The following DCLRE1C variants were observed in gnomAD, a reference collection of about 807,000 sequenced individuals.
The protein encoded by DCLRE1C is protein artemis.
Under a neutral mutation model 61.4 loss-of-function variants are expected in DCLRE1C, and 47 were observed. The ratio of observed to expected loss-of-function variants is 0.77; its 90% CI spans 0.61 to 0.98. DCLRE1C has a LOEUF of 0.98. DCLRE1C is among the 50% of genes least tolerant of loss of function. DCLRE1C has a pLI of 0.00. For synonymous variants in DCLRE1C, 337 were observed against 287.6 expected, an observed-to-expected ratio of 1.17 and a Z score of -1.74; for missense variants, 858 against 816.0, an observed-to-expected ratio of 1.05 and a Z score of -0.63.
In DCLRE1C at chr10:14,908,230, G is replaced by C. The variant is rs1039546442; in HGVS notation, c.*178C>G. The stretch of plus-strand genomic sequence containing the variant: ...TCACTGTGTTGGCCAGGCTGGTGTC[G>C]AACTCCTGGGCTCAAGCCATTGCCC... On this transcript the variant is annotated 3_prime_UTR_variant, in exon 14 of 14. Coordinates refer to ENST00000378278, the MANE Select transcript of DCLRE1C (RefSeq NM_001033855.3). The C allele has an allele frequency of 1.3e-5, 7 of 537,858 alleles. No individual in the cohort carries two copies. The highest frequency in any genetic ancestry group is 1.2e-4 in the African/African-American group (6 of 48,402). The allele number at this position is 537,858 out of a possible 1,614,324, so 33.3% of individuals were successfully genotyped here.
In DCLRE1C at chr10:14,904,641, T is replaced by C. The variant is rs1461939264; in HGVS notation, c.*3767A>G. On this transcript the variant is annotated 3_prime_UTR_variant, in exon 14 of 14. Transcript: ENST00000378278. The stretch of plus-strand genomic sequence containing the variant: ...TTTTGTTTTGTCTTTATTGATAGAA[T>C]GTAATGGGCCTTTGGGATCTTAAGT... Among the ~76,000 whole-genome samples, 3 of 152,216 alleles carry C rather than the reference T, an allele frequency of 2.0e-5. No individual in the cohort carries two copies. The highest frequency in any genetic ancestry group is 4.8e-5 in the African/African-American group (2 of 41,448).
intron 3 of DCLRE1C, among the ~76,000 whole-genome samples, chr10:14,942,879 C>A (rs566653106): frequency 5.3e-3 from 808 of 151,964 alleles, no homozygotes; most frequent in African/African-American, 0.017. Flanking sequence ...TAATCCCAGC[C>A]CTTGGGTGGC....
rs901903508 is a variant in DCLRE1C, at chr10:14,897,545, G to T, written c.*1619C>A. 9 of 1,482,912 alleles carry T rather than the reference G, an allele frequency of 6.1e-6. No homozygotes were observed. The African/African-American group carries it at 1.1e-4, about 18-fold the overall frequency. The allele number at this position is 1,482,912 out of a possible 1,614,324, so 91.9% of individuals were successfully genotyped here. On this transcript the variant is annotated 3_prime_UTR_variant, in exon 14 of 14. Transcript: ENST00000378289. ...ATGTTTCATTTGCCACGTAGTAAAT[G>T]ATGGACATGCAAGGTTTATACTTTT...
At chr10:14,930,440 T>C (rs1049953026) in intron 9 of DCLRE1C, among the ~76,000 whole-genome samples, 3 of 151,108 alleles carry the variant, frequency 2.0e-5, no homozygotes, top group African/African-American at 7.3e-5. Flanking sequence ...TGGGTTTTGT[T>C]TGTTTTTTTT....
At chr10:14,898,419 A>G (rs1437975846) in exon 14 of DCLRE1C, 2 of 151,886 alleles carry the variant, frequency 1.3e-5, no homozygotes, top group Non-Finnish European at 2.9e-5. Context: ...ATGGCTACAT[A>G]TCTGGAGTTG....
chr10:14,912,783 C>A (rs1835482555), intron 13 of DCLRE1C, among the ~76,000 whole-genome samples: 1 of 152,224 alleles, frequency 6.6e-6, no homozygotes, highest in Non-Finnish European at 1.5e-5. Context: ...CTCCTGGGTT[C>A]ACGCCATTCT....
At chr10:14,918,779 C>G (rs1293801225) in intron 13 of DCLRE1C, among the ~76,000 whole-genome samples, 1 of 151,764 alleles carries the variant, frequency 6.6e-6, no homozygotes, top group African/African-American at 2.4e-5. Context: ...TTTTTGGGCA[C>G]CAGTTATAGG....
chr10:14,948,756 T>C lies in DCLRE1C; in HGVS notation c.161+280A>G, dbSNP rs1842037721. ...TGTTGTTGTTGTTGTTTTTAGAGAG[T>C]GTATTTGGTAGGATTATATATATAT... On this transcript the variant is annotated intron_variant, in intron 2 of 13. Transcript: ENST00000378278. Among the ~76,000 whole-genome samples, 4 of 146,428 alleles carry C rather than the reference T, an allele frequency of 2.7e-5. No individual in the cohort carries two copies. In the South Asian group the frequency reaches 8.4e-4, roughly 31 times the overall value.
exon 14 of DCLRE1C, chr10:14,898,681 T>A (rs2131709435): frequency 6.6e-6 from 1 of 152,426 alleles, no homozygotes; most frequent in South Asian, 2.1e-4. Context: ...TTAGACACTT[T>A]TGGTTTCTTA....
chr10:14,936,958 T>C (rs1840034530), intron 4 of DCLRE1C, among the ~76,000 whole-genome samples: 1 of 152,176 alleles, frequency 6.6e-6, no homozygotes, highest in Non-Finnish European at 1.5e-5. Context: ...AGCCATACAA[T>C]GAAATATTAT....
At chr10:14,951,710 C>T (rs373450283) in intron 1 of DCLRE1C, among the ~76,000 whole-genome samples, 126 of 152,216 alleles carry the variant, frequency 8.3e-4, no homozygotes, top group African/African-American at 2.9e-3. Context: ...CTTTCCTAGG[C>T]CCCGCATGAG....
intron 2 of DCLRE1C, among the ~76,000 whole-genome samples, chr10:14,947,231 C>A (rs1841833118): frequency 6.6e-6 from 1 of 151,854 alleles, no homozygotes; most frequent in East Asian, 1.9e-4. Flanking sequence ...AACAAACAAA[C>A]AAACAAACAA....
At chr10:14,921,390 T>C (rs1588974779) in intron 12 of DCLRE1C, among the ~76,000 whole-genome samples, 1 of 152,328 alleles carries the variant, frequency 6.6e-6, no homozygotes, top group South Asian at 2.1e-4. Context: ...TATTCAAGTT[T>C]AGTTCTACAG....
chr10:14,909,978 A>G (rs1291100988), intron 13 of DCLRE1C, among the ~76,000 whole-genome samples: 1 of 152,230 alleles, frequency 6.6e-6, no homozygotes, highest in Non-Finnish European at 1.5e-5. Flanking sequence ...CTTACTTAGA[A>G]AAACAAATAT....
Position 14,908,225 on chromosome 10 carries a change from G to T in DCLRE1C, c.*183C>A. 2 of 547,968 alleles carry T rather than the reference G, an allele frequency of 3.6e-6. No individual in the cohort carries two copies. Among genetic ancestry groups the T allele is most frequent in the Non-Finnish European group, 6.4e-6 (2 of 313,868 alleles). The allele number at this position is 547,968 out of a possible 1,614,324, so 33.9% of individuals were successfully genotyped here. On this transcript the variant is annotated 3_prime_UTR_variant, in exon 14 of 14. Transcript: ENST00000378278. Reference sequence around the variant, plus strand: ...ACATTTCACTGTGTTGGCCAGGCTGGTGTCGAACTCCTGGGCTCAAGCCAT... The same window carrying T: ...ACATTTCACTGTGTTGGCCAGGCTGTTGTCGAACTCCTGGGCTCAAGCCAT...
chr10:14,909,423 G>T lies in DCLRE1C; in HGVS notation c.1157-93C>A. On this transcript the variant is annotated intron_variant, in intron 13 of 13. Coordinates refer to ENST00000378278, the MANE Select transcript of DCLRE1C (RefSeq NM_001033855.3). ...TACTTTTAATTCTTGGAATTGCAAA[G>T]AATAGGGAGGCCACTCTTCTTCAAA... is the stretch of plus-strand genomic sequence containing the variant. 5 of 1,113,632 alleles carry T rather than the reference G, an allele frequency of 4.5e-6. No homozygotes were observed. The South Asian group carries it at 5.8e-5, about 13-fold the overall frequency. The allele number at this position is 1,113,632 out of a possible 1,614,324, so 69.0% of individuals were successfully genotyped here. A position where few individuals can be genotyped will look rare whatever the true frequency, so the allele number is the denominator to read the frequency against.
At chr10:14,922,671 T>A (rs1285253249) in intron 12 of DCLRE1C, among the ~76,000 whole-genome samples, 1 of 152,138 alleles carries the variant, frequency 6.6e-6, no homozygotes, top group Non-Finnish European at 1.5e-5. Context: ...CAAGTAGGCA[T>A]CAATATTCCT....
chr10:14,906,717 C>T lies in DCLRE1C; in HGVS notation c.*1691G>A, dbSNP rs1184147402. ...CTGCAAATTGTTTTAAGTGGTGTCT[C>T]TGCTTTTGCTTCCATAATCTATGAA... On this transcript the variant is annotated 3_prime_UTR_variant, in exon 14 of 14. Coordinates refer to ENST00000378278, the MANE Select transcript of DCLRE1C (RefSeq NM_001033855.3). Among the ~76,000 whole-genome samples, 2 of 152,162 alleles carry T rather than the reference C, an allele frequency of 1.3e-5. No individual in the cohort carries two copies. Among genetic ancestry groups the T allele is most frequent in the African/African-American group, 4.8e-5 (2 of 41,438 alleles).
chr10:14,904,315 ATTTTTTTTTTTTTTTTT>A (rs35999949), downstream of DCLRE1C: 2 of 77,762 alleles, frequency 2.6e-5, no homozygotes, highest in Admixed American at 3.5e-4. Context: ...AAAAAAAAAA[ATTTTTTTTTTTTTTTTT>A]TTTTTTTTTT....
Sources: allele counts gnomAD v4.1 joint callset (sites outside exome capture counted in the v4.1 genomes callset), GRCh38; gene constraint gnomAD v4.1.1; transcripts MANE v1.5; gene names NCBI Gene and HGNC (gene_info 2026-07-23, HGNC 2026-07-21).